The following LAT2 variants were observed in gnomAD, a reference collection of about 807,000 sequenced individuals.
The protein encoded by LAT2 is linker for activation of T cells family member 2.
Under a neutral mutation model 43.4 loss-of-function variants are expected in LAT2, and 23 were observed. That is an observed-to-expected ratio of 0.53 (90% CI 0.38 to 0.75). The LOEUF (loss-of-function observed/expected upper bound fraction) is 0.75. LAT2 is among the 30% of genes least tolerant of loss of function. The probability of loss-of-function intolerance (pLI) is 0.00; values close to 1 mark genes in which losing one functional copy is unlikely to be tolerated. For missense variants in LAT2, 284 were observed against 310.2 expected (o/e 0.92, Z 0.64); for synonymous variants, 128 against 123.2 (o/e 1.04, Z -0.26).
chr7:74,220,423 A>AG lies in LAT2; in HGVS notation c.266-156dup. ...GGCAGGCTCCTGGAATCGGCCTGGC[A>AG]GGGGGAGGGTGCACACTCGCACATG... On this transcript the variant is annotated intron_variant, in intron 7 of 13. Coordinates refer to ENST00000460943, the MANE Select transcript of LAT2 (RefSeq NM_032464.3). The surrounding 1 kb of genome is among the most constrained non-coding windows in gnomAD (Gnocchi z 4.5). 2.5e-6 allele frequency: 3 copies of AG among 1,217,446 alleles called. No homozygotes were observed. Among genetic ancestry groups the AG allele is most frequent in the Non-Finnish European group, 3.5e-6 (3 of 847,506 alleles). 75.4% of individuals were successfully genotyped at this position (1,217,446 alleles called of 1,614,324 possible). A position where few individuals can be genotyped will look rare whatever the true frequency, so the allele number is the denominator to read the frequency against.
chr7:74,220,395 C>A lies in LAT2; in HGVS notation c.265+141C>A. The A allele has an allele frequency of 1.6e-6, 2 of 1,237,516 alleles. No individual in the cohort carries two copies. The highest frequency in any genetic ancestry group is 2.3e-6 in the Non-Finnish European group (2 of 862,710). The allele number at this position is 1,237,516 out of a possible 1,614,324, so 76.7% of individuals were successfully genotyped here. A position where few individuals can be genotyped will look rare whatever the true frequency, so the allele number is the denominator to read the frequency against. The stretch of plus-strand genomic sequence containing the variant: ...CCCAGGAGAGACACACAGGCTGGGG[C>A]AGGGCAGGCTCCTGGAATCGGCCTG... On this transcript the variant is annotated intron_variant, in intron 7 of 13. Coordinates refer to ENST00000460943, the MANE Select transcript of LAT2 (RefSeq NM_032464.3). This position sits in a 1 kb window ranked among gnomAD's most constrained non-coding sequence, Gnocchi z 4.5.
At chr7:74,218,248 C>T (rs895895836) in intron 4 of LAT2, among the ~76,000 whole-genome samples, 1 of 152,200 alleles carries the variant, frequency 6.6e-6, no homozygotes, top group Non-Finnish European at 1.5e-5. Context: ...GCACAGGCTC[C>T]GTTCCTCTGT....
Position 74,220,806 on chromosome 7 carries a change from T to TCCCCCTG in LAT2, c.332+77_332+83dup. ...CCCACCTCTCCCCCTGCCCCACCTC[T>TCCCCCTG]CCCCCTGCCCCACCTGCCTGCCACA... On this transcript the variant is annotated intron_variant, in intron 9 of 13. Coordinates refer to ENST00000460943, the MANE Select transcript of LAT2 (RefSeq NM_032464.3). This position sits in a 1 kb window ranked among gnomAD's most constrained non-coding sequence, Gnocchi z 4.5. The TCCCCCTG allele has an allele frequency of 8.9e-7, 1 of 1,123,622 alleles. No homozygotes were observed. The highest frequency in any genetic ancestry group is 1.2e-6 in the Non-Finnish European group (1 of 864,232). 69.6% of individuals were successfully genotyped at this position (1,123,622 alleles called of 1,614,324 possible).
In LAT2 at chr7:74,215,987, G is replaced by T. The variant is rs782682395; in HGVS notation, c.12G>T (p.Gly4=). Residue 4 remains glycine (G), a synonymous_variant, in exon 3 of 14, where the codon GGG becomes GGT. Transcript: ENST00000460943. ...CACCAGGAGCCAACATGAGCTCGGG[G>T]ACTGAACTGCTGTGGCCCGGAGCAG... is the stretch of plus-strand genomic sequence containing the variant. The part of the protein sequence containing the change: MSS[G]TELLWPGAAL... The T allele has an allele frequency of 5.0e-6, 8 of 1,614,004 alleles. No homozygotes were observed. Among genetic ancestry groups the T allele is most frequent in the Non-Finnish European group, 5.9e-6 (7 of 1,180,042 alleles).
intron 1 of LAT2, among the ~76,000 whole-genome samples, chr7:74,212,606 G>T (rs1190588564): frequency 6.6e-6 from 1 of 152,120 alleles, no homozygotes; most frequent in Non-Finnish European, 1.5e-5. Flanking sequence ...AAACTGAGGC[G>T]GGGGGCTCTC....
At position 74,220,636 on chromosome 7, in the gene LAT2, A is replaced by G. The variant is rs782282745; in HGVS notation, c.301+17A>G. 6.2e-7 allele frequency: 1 copy of G among 1,614,014 alleles called. No individual in the cohort carries two copies. Among genetic ancestry groups the G allele is most frequent in the Non-Finnish European group, 8.5e-7 (1 of 1,179,948 alleles). ...TCAGCAAAGGTAGGTAGGCTCCTGG[A>G]GAAAGGGGGAGGCCATGGTGGGGGC... On this transcript the variant is annotated intron_variant, in intron 8 of 13. Coordinates refer to ENST00000460943, the MANE Select transcript of LAT2 (RefSeq NM_032464.3). The surrounding 1 kb of genome is among the most constrained non-coding windows in gnomAD (Gnocchi z 4.5).
Position 74,219,009 on chromosome 7 carries a change from C to CTTTTTTTTTTTTTTTTT in LAT2, c.135-713_135-697dup, listed in dbSNP as rs781806954. On this transcript the variant is annotated intron_variant, in intron 4 of 13. Coordinates refer to ENST00000460943, the MANE Select transcript of LAT2 (RefSeq NM_032464.3). Reference sequence around the variant, plus strand: ...CACCATGCCGGGTCTAGAGTGTGTGCTTTTTTTTTTTTTTTTTTTTTTTTT... The same window carrying CTTTTTTTTTTTTTTTTT: ...CACCATGCCGGGTCTAGAGTGTGTGCTTTTTTTTTTTTTTTTTTTTTTTTTTTTTTTTTTTTTTTTTT... Among the ~76,000 whole-genome samples, 2 of 48,804 alleles carry CTTTTTTTTTTTTTTTTT rather than the reference C, an allele frequency of 4.1e-5. 1 individual carries two copies. Among genetic ancestry groups the CTTTTTTTTTTTTTTTTT allele is most frequent in the Non-Finnish European group, 7.8e-5 (2 of 25,700 alleles). 32.0% of individuals were successfully genotyped at this position (48,804 alleles called of 152,430 possible).
chr7:74,217,450 GA>G (rs150474090), intron 4 of LAT2, among the ~76,000 whole-genome samples: 20 of 148,410 alleles, frequency 1.3e-4, no homozygotes, highest in Admixed American at 6.0e-4. Context: ...AAAAAGAAAA[GA>G]AAAAAAAAAT....
At chr7:74,214,329 TATAA>T (rs1183819749) in intron 1 of LAT2, among the ~76,000 whole-genome samples, 3 of 68,344 alleles carry the variant, frequency 4.4e-5, no homozygotes, top group Admixed American at 2.8e-4. Context: ...AAAATATATA[TATAA>T]ATATATATAT....
chr7:74,227,847 T>C (rs1802545957), intron 13 of LAT2, among the ~76,000 whole-genome samples: 2 of 152,048 alleles, frequency 1.3e-5, no homozygotes, highest in African/African-American at 2.4e-5. Context: ...CACTCCAGCC[T>C]GGGCCACAGA....
intron 12 of LAT2, 116 bp downstream of exon 12, chr7:74,224,313 G>A: frequency 8.9e-7 from 1 of 1,122,550 alleles, no homozygotes; most frequent in Non-Finnish European, 1.3e-6. Context: ...ACCCCGCAGT[G>A]ATGCCTGGGT....
intron 3 of LAT2, among the ~76,000 whole-genome samples, chr7:74,216,623 C>A (rs540261644): frequency 1.3e-5 from 2 of 152,110 alleles, no homozygotes; most frequent in Non-Finnish European, 2.9e-5. Context: ...CCTCCCGCCT[C>A]GGCCCAAAGT....
At chr7:74,214,113 A>AAAAAATATATAT (rs1801849721) in intron 1 of LAT2, among the ~76,000 whole-genome samples, 1 of 110,670 alleles carries the variant, frequency 9.0e-6, no homozygotes, top group East Asian at 2.3e-4. Flanking sequence ...TATATATATG[A>AAAAAATATATAT]AAATATATAT....
At chr7:74,215,726 G>A (rs1003547321) in intron 2 of LAT2, among the ~76,000 whole-genome samples, 1 of 152,188 alleles carries the variant, frequency 6.6e-6, no homozygotes. Flanking sequence ...GAACCTTCCA[G>A]CACTTATCAA....
chr7:74,212,422 C>A (rs1271445866), intron 1 of LAT2, among the ~76,000 whole-genome samples: 1 of 152,058 alleles, frequency 6.6e-6, no homozygotes, highest in Non-Finnish European at 1.5e-5. Flanking sequence ...GCTGGAATTA[C>A]AGGCTTGCAC....
rs1004438071 is a variant in LAT2, at chr7:74,225,941, A to G, written c.*18+1181A>G. On this transcript the variant is annotated intron_variant, in intron 13 of 13. Coordinates refer to ENST00000460943, the MANE Select transcript of LAT2 (RefSeq NM_032464.3). ...GGCAAGTCCTGCTCTAGGTGCTGGG[A>G]ACACCAACATAAAGAACAGCAAACC... is the stretch of plus-strand genomic sequence containing the variant. 2.6e-5 allele frequency: 4 copies of G among 152,470 alleles called. 1 individual carries two copies. Among genetic ancestry groups the G allele is most frequent in the Admixed American group, 2.6e-4 (4 of 15,300 alleles). 9.4% of individuals were successfully genotyped at this position (152,470 alleles called of 1,614,324 possible). A position where few individuals can be genotyped will look rare whatever the true frequency, so the allele number is the denominator to read the frequency against.
rs782038220 is a variant in LAT2 at position 74,224,753 on chromosome 7, G to A, written c.*11G>A. 9 of 1,570,614 alleles carry A rather than the reference G, an allele frequency of 5.7e-6. No homozygotes were observed. The highest frequency in any genetic ancestry group is 3.7e-5 in the Admixed American group (2 of 53,734). On this transcript the variant is annotated 3_prime_UTR_variant, in exon 13 of 14. Coordinates refer to ENST00000460943, the MANE Select transcript of LAT2 (RefSeq NM_032464.3). ...GCCACAGAAGCCTAGGGCAGACCAA[G>A]AAGAAAGGTACAGCCCCTGCTCTCC... is the stretch of plus-strand genomic sequence containing the variant.
At chr7:74,216,190 C>G in intron 3 of LAT2, 121 bp downstream of exon 3, 1 of 760,436 alleles carries the variant, frequency 1.3e-6, no homozygotes. Context: ...CGTGATGTGA[C>G]CCCTGACCCC....
rs1802285484 is a variant in LAT2 at position 74,221,659 on chromosome 7, T to C, written c.355T>C (p.Tyr119His). ...CAGAGACCCCATTGCCATGGAGTAT[T>C]ACAACTGGGGGCGGTTCTCGAAGCC... ...AYIDPIAMEY[Y>H]NWGRFSKPPE... The change falls in exon 10 of 14, where the codon TAC (tyrosine) becomes CAC (histidine). Residue 119 changes from tyrosine (Y) to histidine (H), a missense_variant. Physicochemically the swap from Tyr to His is moderately conservative, Grantham distance 83. Coordinates refer to ENST00000460943, the MANE Select transcript of LAT2 (RefSeq NM_032464.3). 6.2e-7 allele frequency: 1 copy of C among 1,613,182 alleles called. No homozygotes were observed. The highest frequency in any genetic ancestry group is 1.3e-5 in the African/African-American group (1 of 74,836).
Sources: gnomAD v4.1 joint callset for allele counts (sites outside exome capture counted in the v4.1 genomes callset) on GRCh38, gnomAD v4.1.1 for gene constraint, Gnocchi (gnomAD v3.1) non-coding constraint, MANE v1.5 for transcripts, NCBI Gene and HGNC (gene_info 2026-07-23, HGNC 2026-07-21) for gene names.